Variants in NPEPPS observed in about 807,000 individuals in gnomAD.
The protein encoded by NPEPPS is puromycin-sensitive aminopeptidase.
A neutral mutation model predicts 115.5 loss-of-function variants in NPEPPS; 14 were observed. The ratio of observed to expected loss-of-function variants is 0.12; its 90% CI spans 0.08 to 0.19. The LOEUF (loss-of-function observed/expected upper bound fraction) is 0.19, where lower values mean the gene tolerates loss of function less well. Among genes scored for constraint, NPEPPS ranks in the 10% least tolerant of loss-of-function variants. NPEPPS has a pLI of 1.00. For synonymous variants in NPEPPS, 285 were observed against 390.6 expected (o/e 0.73, Z 3.19); for missense variants, 523 against 1,110.8 (o/e 0.47, Z 7.52).
At chr17:47,613,566 C>A in intron 18 of NPEPPS, 103 bp from the exon 19 acceptor site, 1 of 1,023,174 alleles carries the variant, frequency 9.8e-7, no homozygotes, top group Non-Finnish European at 1.5e-6. Flanking sequence ...CGCAGCCGGC[C>A]AACATTTACA....
intron 2 of NPEPPS, among the ~76,000 whole-genome samples, chr17:47,560,260 C>T (rs113861124): frequency 2.0e-5 from 3 of 151,882 alleles, no homozygotes; most frequent in African/African-American, 7.3e-5. Flanking sequence ...TTAAGTAACC[C>T]TGTAAGACCA....
chr17:47,575,021 C>A (rs556215500), intron 3 of NPEPPS, among the ~76,000 whole-genome samples: 4 of 152,282 alleles, frequency 2.6e-5, no homozygotes, highest in African/African-American at 9.6e-5. Flanking sequence ...GATTTAAACC[C>A]AAGCAGTTTA....
upstream of NPEPPS, among the ~76,000 whole-genome samples, chr17:47,529,863 T>G (rs1907607416): frequency 7.3e-6 from 1 of 137,426 alleles, no homozygotes; most frequent in African/African-American, 2.6e-5. Context: ...TGCTGAAGGA[T>G]CTTTTAGTTT....
At chr17:47,596,290 TTTC>T in intron 12 of NPEPPS, 60 bp from the exon 13 acceptor site, 1 of 1,070,552 alleles carries the variant, frequency 9.3e-7, no homozygotes, top group Non-Finnish European at 1.3e-6. Flanking sequence ...TTAAATAAAA[TTTC>T]TTTTTTGTTT....
chr17:47,543,450 T>C lies in NPEPPS; in HGVS notation c.256-2459T>C, dbSNP rs1441918048. Reference sequence around the variant, plus strand: ...CTCCTGCTTCAGCCTTCCAAGTAGCTGGGATTACAGGCGCGCACCACAGGC... The same window carrying C: ...CTCCTGCTTCAGCCTTCCAAGTAGCCGGGATTACAGGCGCGCACCACAGGC... On this transcript the variant is annotated intron_variant, in intron 1 of 22. Transcript: ENST00000322157. 1.5e-3 allele frequency among the ~76,000 whole-genome samples: 223 copies of C among 150,666 alleles called. 1 individual carries two copies. The highest frequency in any genetic ancestry group is 5.2e-3 in the African/African-American group (214 of 41,100).
chr17:47,606,674 C>T (rs1471489660), intron 17 of NPEPPS, among the ~76,000 whole-genome samples: 1 of 152,062 alleles, frequency 6.6e-6, no homozygotes, highest in Non-Finnish European at 1.5e-5. Context: ...AACTCTGGGC[C>T]TCAAGTGATC....
chr17:47,526,927 C>T (rs1284632304), upstream of NPEPPS, among the ~76,000 whole-genome samples: 7 of 152,166 alleles, frequency 4.6e-5, no homozygotes, highest in African/African-American at 9.7e-5. Flanking sequence ...CACTGCATTC[C>T]AGCCTGGGCG....
intron 1 of NPEPPS, among the ~76,000 whole-genome samples, chr17:47,534,804 G>A (rs1213945871): frequency 6.6e-6 from 1 of 151,186 alleles, no homozygotes; most frequent in Non-Finnish European, 1.5e-5. Context: ...CCTGACCTCA[G>A]GTGATCCCCT....
intron 12 of NPEPPS, among the ~76,000 whole-genome samples, chr17:47,595,633 G>A (rs921866217): frequency 3.9e-5 from 6 of 151,932 alleles, no homozygotes; most frequent in East Asian, 3.9e-4. Context: ...GCTTGAGCCC[G>A]GGATTTTGAG....
rs551127548 is a variant in NPEPPS at position 47,589,326 on chromosome 17, G to A, written c.1096-1391G>A. 4.6e-5 allele frequency among the ~76,000 whole-genome samples: 7 copies of A among 152,154 alleles called. No individual in the cohort carries two copies. The South Asian group carries it at 1.0e-3, about 23-fold the overall frequency. ...GCCGGAGTGCAGTGGCACAATCATGGGTCAGTGCAGCTTCATCTTCCTGGG... is the reference window on the plus strand; with the variant it reads ...GCCGGAGTGCAGTGGCACAATCATGAGTCAGTGCAGCTTCATCTTCCTGGG... On this transcript the variant is annotated intron_variant, in intron 9 of 22. Transcript: ENST00000322157.
intron 1 of NPEPPS, among the ~76,000 whole-genome samples, chr17:47,534,955 A>G (rs890899925): frequency 8.6e-5 from 13 of 151,042 alleles, no homozygotes; most frequent in East Asian, 8.0e-4. Context: ...TTAAAAATCA[A>G]TTGTCTTGGC....
chr17:47,570,915 T>A (rs1408421299), intron 3 of NPEPPS, among the ~76,000 whole-genome samples: 1 of 152,222 alleles, frequency 6.6e-6, no homozygotes, highest in Admixed American at 6.5e-5. Context: ...TATGTTCATG[T>A]CCTTTGACCC....
intron 17 of NPEPPS, among the ~76,000 whole-genome samples, chr17:47,610,170 C>T (rs1913756116): frequency 6.7e-6 from 1 of 149,466 alleles, no homozygotes; most frequent in Non-Finnish European, 1.5e-5. Flanking sequence ...TCAGCCCCAC[C>T]CCACCCCCCC....
At chr17:47,610,180 C>CCAAAAAAAAACCA (rs1567870384) in intron 17 of NPEPPS, among the ~76,000 whole-genome samples, 1 of 148,812 alleles carries the variant, frequency 6.7e-6, no homozygotes. Context: ...CCCACCCCCC[C>CCAAAAAAAAACCA]AAAAAAAAAG....
At chr17:47,617,632 A>G (rs185187727) in intron 19 of NPEPPS, among the ~76,000 whole-genome samples, 294 of 152,106 alleles carry the variant, frequency 1.9e-3, no homozygotes, top group Middle Eastern at 6.8e-3. Flanking sequence ...TTCATTTTCA[A>G]TTTTTCACTA....
At chr17:47,569,822 T>C (rs1911088468) in intron 3 of NPEPPS, among the ~76,000 whole-genome samples, 1 of 152,154 alleles carries the variant, frequency 6.6e-6, no homozygotes, top group Non-Finnish European at 1.5e-5. Context: ...TTTCGCCATG[T>C]TGGCCAGGCT....
intron 1 of NPEPPS, among the ~76,000 whole-genome samples, chr17:47,539,950 ATTTTCT>A (rs1173683531): frequency 2.0e-5 from 3 of 152,002 alleles, no homozygotes; most frequent in Admixed American, 1.3e-4. Flanking sequence ...CACACTGGAG[ATTTTCT>A]TTTACTGAAA....
chr17:47,553,757 C>T (rs1383643921), intron 2 of NPEPPS, among the ~76,000 whole-genome samples: 3 of 150,778 alleles, frequency 2.0e-5, no homozygotes, highest in Non-Finnish European at 4.4e-5. Flanking sequence ...GCGTCTCTCT[C>T]TCTTTTTTTT....
intron 9 of NPEPPS, among the ~76,000 whole-genome samples, chr17:47,588,409 A>C (rs1289829912): frequency 1.3e-5 from 2 of 152,016 alleles, no homozygotes; most frequent in African/African-American, 4.8e-5. Context: ...TAAAAAAAAT[A>C]GAAAATTAGC....
Sources: gnomAD v4.1 joint callset for allele counts (sites outside exome capture counted in the v4.1 genomes callset) on GRCh38, gnomAD v4.1.1 for gene constraint, MANE v1.5 for transcripts, NCBI Gene and HGNC (gene_info 2026-07-23, HGNC 2026-07-21) for gene names.